Variants in PIP4P2 observed in about 807,000 individuals in gnomAD.
The protein encoded by PIP4P2 is type 2 phosphatidylinositol 4,5-bisphosphate 4-phosphatase.
Under a neutral mutation model 33.3 loss-of-function variants are expected in PIP4P2, and 19 were observed. That is an observed-to-expected ratio of 0.57 (90% CI 0.40 to 0.84). The LOEUF is 0.84. PIP4P2 is among the 40% of genes least tolerant of loss of function. The pLI is 0.00. For missense variants in PIP4P2, 270 were observed against 324.7 expected (o/e 0.83, Z 1.29); for synonymous variants, 110 against 111.9 (o/e 0.98, Z 0.11).
At chr8:91,032,646 TGGC>T (rs894481900) in intron 1 of PIP4P2, among the ~76,000 whole-genome samples, 1 of 151,890 alleles carries the variant, frequency 6.6e-6, no homozygotes, top group Non-Finnish European at 1.5e-5. Flanking sequence ...TCAAGTGTGG[TGGC>T]AGGCACCTGC....
chr8:91,014,571 G>T (rs889170168), intron 4 of PIP4P2, among the ~76,000 whole-genome samples: 1 of 152,048 alleles, frequency 6.6e-6, no homozygotes, highest in African/African-American at 2.4e-5. Context: ...AGAGTAGAAT[G>T]GTGGTTGCCA....
chr8:91,010,347 T>G (rs1286934875), intron 4 of PIP4P2, among the ~76,000 whole-genome samples: 1 of 151,890 alleles, frequency 6.6e-6, no homozygotes, highest in East Asian at 1.9e-4. Flanking sequence ...TTATGAAACC[T>G]TTGAGTCAAG....
intron 5 of PIP4P2, among the ~76,000 whole-genome samples, chr8:91,004,995 G>T (rs1009023185): frequency 6.6e-6 from 1 of 152,090 alleles, no homozygotes; most frequent in African/African-American, 2.4e-5. Flanking sequence ...ACTGAATACA[G>T]AATTTTTTCA....
intron 6 of PIP4P2, 64 bp downstream of exon 6, chr8:90,996,590 C>T: frequency 7.2e-7 from 1 of 1,380,526 alleles, no homozygotes; most frequent in Non-Finnish European, 1.0e-6. Context: ...TTGTCCCAGG[C>T]CTCATGATTG....
intron 4 of PIP4P2, among the ~76,000 whole-genome samples, chr8:91,012,505 CATT>C (rs1307991971): frequency 2.6e-5 from 4 of 152,064 alleles, no homozygotes; most frequent in Non-Finnish European, 2.9e-5. Context: ...GAGCATCTCT[CATT>C]AATCCAAAAC....
chr8:90,999,267 A>T (rs940546974), intron 5 of PIP4P2, among the ~76,000 whole-genome samples: 3 of 152,088 alleles, frequency 2.0e-5, no homozygotes. Context: ...AAAATAACAG[A>T]TGCTGGTGAG....
intron 1 of PIP4P2, among the ~76,000 whole-genome samples, chr8:91,034,026 C>T (rs1288750659): frequency 6.6e-6 from 1 of 152,034 alleles, no homozygotes; most frequent in Non-Finnish European, 1.5e-5. Context: ...CTTCCAAAGG[C>T]TGATCCAACT....
At chr8:91,000,256 A>G (rs998575877) in intron 5 of PIP4P2, among the ~76,000 whole-genome samples, 1 of 151,986 alleles carries the variant, frequency 6.6e-6, no homozygotes, top group Non-Finnish European at 1.5e-5. Flanking sequence ...TAGCATTAAT[A>G]TAATTGGTAC....
intron 4 of PIP4P2, among the ~76,000 whole-genome samples, chr8:91,012,201 T>C (rs1332425407): frequency 6.6e-6 from 1 of 152,058 alleles, no homozygotes; most frequent in Non-Finnish European, 1.5e-5. Context: ...ACTCATATTA[T>C]GCATGACTTC....
intron 5 of PIP4P2, among the ~76,000 whole-genome samples, chr8:91,003,539 T>C (rs1367985635): frequency 6.6e-6 from 1 of 152,152 alleles, no homozygotes; most frequent in Non-Finnish European, 1.5e-5. Flanking sequence ...AAAAACATAA[T>C]ATATTTATCA....
chr8:91,016,648 T>C (rs188123314), intron 4 of PIP4P2: 4 of 152,250 alleles, frequency 2.6e-5, no homozygotes, highest in African/African-American at 9.6e-5. Context: ...CTGCATCTTT[T>C]CTCAGAAAGC....
chr8:91,003,948 GAGATAGATAGATAGATAGAT>G (rs74275339), intron 5 of PIP4P2, among the ~76,000 whole-genome samples: 51 of 138,172 alleles, frequency 3.7e-4, no homozygotes, highest in South Asian at 1.8e-3. Flanking sequence ...GAACCAACAG[GAGATAGATAGATAGATAGAT>G]AGATAGATAG....
rs141644980 is a variant in PIP4P2 at position 91,029,178 on chromosome 8, C to T, written c.107-7774G>A. On this transcript the variant is annotated intron_variant, in intron 1 of 6. Transcript: ENST00000285419. ...TGATGGTGCACACCTGCAATCCTAG[C>T]GACTCGGGAGGCTGAGGCAGGAGAA... 3.1e-3 allele frequency among the ~76,000 whole-genome samples: 474 copies of T among 152,048 alleles called. 4 individuals are homozygous for T. Among genetic ancestry groups the T allele is most frequent in the African/African-American group, 0.011 (454 of 41,476 alleles).
chr8:91,008,369 C>A (rs1267019430), intron 5 of PIP4P2, among the ~76,000 whole-genome samples: 1 of 152,104 alleles, frequency 6.6e-6, no homozygotes, highest in African/African-American at 2.4e-5. Flanking sequence ...GGCCAACAAT[C>A]ACCTAATTAT....
At position 90,995,740 on chromosome 8, in the gene PIP4P2, G is replaced by A. The variant is rs1811620629; in HGVS notation, c.711C>T (p.Cys237=). 2 of 1,613,250 alleles carry A rather than the reference G, an allele frequency of 1.2e-6. No homozygotes were observed. The highest frequency in any genetic ancestry group is 1.3e-5 in the African/African-American group (1 of 74,854). ...WAIAYLLGLI[C]LIRACYWGAI... is the part of the protein sequence containing the mutation. ...CTCCCCAATAACAAGCTCGGATAAGGCAGATCAATCCTAGGAGATAAGCAA... is the reference window on the plus strand; with the variant it reads ...CTCCCCAATAACAAGCTCGGATAAGACAGATCAATCCTAGGAGATAAGCAA... Residue 237 remains cysteine (C), a synonymous_variant, in exon 7 of 7, where the codon TGC becomes TGT. Coordinates refer to ENST00000285419, the MANE Select transcript of PIP4P2 (RefSeq NM_018710.3).
chr8:91,008,925 G>T, intron 4 of PIP4P2, 130 bp from the exon 5 acceptor site: 1 of 656,424 alleles, frequency 1.5e-6, no homozygotes, highest in African/African-American at 1.8e-5. Context: ...ACGGTTACAT[G>T]AGTTTTTCCC....
intron 3 of PIP4P2, among the ~76,000 whole-genome samples, chr8:91,018,894 G>A (rs775064195): frequency 6.6e-6 from 1 of 152,126 alleles, no homozygotes; most frequent in Non-Finnish European, 1.5e-5. Context: ...GTGCCATGAA[G>A]GCACCGAAGG....
intron 4 of PIP4P2, among the ~76,000 whole-genome samples, chr8:91,015,527 G>GA (rs1197117062): frequency 2.6e-5 from 4 of 152,140 alleles, no homozygotes; most frequent in Admixed American, 6.6e-5. Context: ...GAATACCTCA[G>GA]AAAAAATGTA....
chr8:91,032,100 G>A (rs1378470021), intron 1 of PIP4P2, among the ~76,000 whole-genome samples: 3 of 152,304 alleles, frequency 2.0e-5, no homozygotes, highest in Middle Eastern at 3.4e-3. Flanking sequence ...AACTGGCGGA[G>A]ATAAAAAGCC....
Sources: allele counts gnomAD v4.1 joint callset (sites outside exome capture counted in the v4.1 genomes callset), GRCh38; gene constraint gnomAD v4.1.1; transcripts MANE v1.5; gene names NCBI Gene and HGNC (gene_info 2026-07-23, HGNC 2026-07-21).